KIRREL3: variants seen among roughly 807,000 people sequenced by gnomAD.
KIRREL3 encodes kirre like nephrin family adhesion molecule 3, also known as kin of IRRE-like protein 3.
KIRREL3 carries 36 observed loss-of-function variants against 89.7 expected under a neutral mutation model. That is an observed-to-expected ratio of 0.40 (90% CI 0.31 to 0.53). The LOEUF (loss-of-function observed/expected upper bound fraction) is 0.53, where lower values mean the gene tolerates loss of function less well. KIRREL3 is among the 20% of genes least tolerant of loss of function. KIRREL3 has a pLI of 0.49. For missense variants in KIRREL3, 864 were observed against 1,056.6 expected, an observed-to-expected ratio of 0.82 and a Z score of 2.53; for synonymous variants, 445 against 441.4, an observed-to-expected ratio of 1.01 and a Z score of -0.10.
rs183919703 is a variant in KIRREL3, at chr11:126,709,342, G to T, written c.56-146430C>A. Among the ~76,000 whole-genome samples the T allele has an allele frequency of 5.5e-3, 838 of 152,240 alleles. 9 individuals are homozygous for T. Among genetic ancestry groups the T allele is most frequent in the African/African-American group, 0.018 (768 of 41,534 alleles). ...CCAATCAGTCCTATCTCTTCCCCGGGAGTAGGGGTGGAGGGGCAGCACCCC... is the reference window on the plus strand; with the variant it reads ...CCAATCAGTCCTATCTCTTCCCCGGTAGTAGGGGTGGAGGGGCAGCACCCC... On this transcript the variant is annotated intron_variant, in intron 1 of 16. Coordinates refer to ENST00000525144, the MANE Select transcript of KIRREL3 (RefSeq NM_032531.4). This position sits in a 1 kb window ranked among gnomAD's most constrained non-coding sequence, Gnocchi z 4.0.
At position 126,985,882 on chromosome 11, in the gene KIRREL3, C is replaced by G. The variant is rs1473314671; in HGVS notation, c.55+14573G>C. On this transcript the variant is annotated intron_variant, in intron 1 of 16. Coordinates refer to ENST00000525144, the MANE Select transcript of KIRREL3 (RefSeq NM_032531.4). This position sits in a 1 kb window ranked among gnomAD's most constrained non-coding sequence, Gnocchi z 5.3. ...ATAAGGCATGTGCCTTCATGACCCC[C>G]CTACTGGATGGGAGAGAGTTAAAGC... Among the ~76,000 whole-genome samples, 7 of 152,288 alleles carry G rather than the reference C, an allele frequency of 4.6e-5. No individual in the cohort carries two copies. Among genetic ancestry groups the G allele is most frequent in the Non-Finnish European group, 1.5e-5 (1 of 68,026 alleles).
chr11:126,806,987 C>A (rs972450163), intron 1 of KIRREL3, among the ~76,000 whole-genome samples: 1 of 152,160 alleles, frequency 6.6e-6, no homozygotes, highest in East Asian at 1.9e-4. Flanking sequence ...CCAGTTTCAT[C>A]CATGTCCCTG....
chr11:126,550,899 C>T lies in KIRREL3; in HGVS notation c.133+11936G>A, dbSNP rs1300088119. ...GTCTACCTGGAGATAGTGTCAGATC[C>T]CACAGGCTGGGGGCTCAGTCCCCAA... On this transcript the variant is annotated intron_variant, in intron 2 of 16. Transcript: ENST00000525144. The surrounding 1 kb of genome is among the most constrained non-coding windows in gnomAD (Gnocchi z 4.9). 6.6e-6 allele frequency among the ~76,000 whole-genome samples: 1 copy of T among 152,122 alleles called. No individual in the cohort carries two copies. Among genetic ancestry groups the T allele is most frequent in the Non-Finnish European group, 1.5e-5 (1 of 68,032 alleles).
rs1944215168 is a variant in KIRREL3 at position 126,635,203 on chromosome 11, G to C, written c.56-72291C>G. Among the ~76,000 whole-genome samples, 1 of 152,256 alleles carries C rather than the reference G, an allele frequency of 6.6e-6. No individual in the cohort carries two copies. Among genetic ancestry groups the C allele is most frequent in the African/African-American group, 2.4e-5 (1 of 41,456 alleles). ...CTCCACCTCTAGGCAGGCACAGCAA[G>C]TGTGGGCATTGCTTACTGCAGAGAG... On this transcript the variant is annotated intron_variant, in intron 1 of 16. Coordinates refer to ENST00000525144, the MANE Select transcript of KIRREL3 (RefSeq NM_032531.4). The surrounding 1 kb of genome is among the most constrained non-coding windows in gnomAD (Gnocchi z 4.0).
chr11:126,669,275 G>C lies in KIRREL3; in HGVS notation c.56-106363C>G, dbSNP rs1225387049. Reference sequence around the variant, plus strand: ...AAGGGGTCTCTAGATCTGGGATCCTGGCACTGAGTGAAGTTTTCCTTCAGC... The same window carrying C: ...AAGGGGTCTCTAGATCTGGGATCCTCGCACTGAGTGAAGTTTTCCTTCAGC... On this transcript the variant is annotated intron_variant, in intron 1 of 16. Coordinates refer to ENST00000525144, the MANE Select transcript of KIRREL3 (RefSeq NM_032531.4). The surrounding 1 kb of genome is among the most constrained non-coding windows in gnomAD (Gnocchi z 5.0). 2.0e-5 allele frequency among the ~76,000 whole-genome samples: 3 copies of C among 152,262 alleles called. No individual in the cohort carries two copies. The East Asian group carries it at 5.8e-4, about 29-fold the overall frequency.
intron 1 of KIRREL3, among the ~76,000 whole-genome samples, chr11:126,842,354 A>G (rs1238079077): frequency 1.3e-5 from 2 of 151,872 alleles, no homozygotes; most frequent in Non-Finnish European, 1.5e-5. Flanking sequence ...CATGAAAAAA[A>G]CCTCCCTTCA....
At chr11:126,672,878 A>G (rs1303349928) in intron 1 of KIRREL3, among the ~76,000 whole-genome samples, 1 of 152,224 alleles carries the variant, frequency 6.6e-6, no homozygotes, top group East Asian at 1.9e-4. Flanking sequence ...TCGTATTTGC[A>G]TTAGTGTTTC....
chr11:126,923,826 C>G (rs1434144376), intron 1 of KIRREL3, among the ~76,000 whole-genome samples: 1 of 152,218 alleles, frequency 6.6e-6, no homozygotes, highest in African/African-American at 2.4e-5. Context: ...CTCTACTGAG[C>G]TCCAGCCCTA....
intron 1 of KIRREL3, among the ~76,000 whole-genome samples, chr11:126,792,826 A>G (rs1950688076): frequency 6.6e-6 from 1 of 152,238 alleles, no homozygotes; most frequent in Admixed American, 6.5e-5. Flanking sequence ...GAACTAAACT[A>G]TACTGTTTAG....
intron 9 of KIRREL3, 82 bp downstream of exon 9, chr11:126,446,677 G>C: frequency 7.1e-7 from 1 of 1,417,644 alleles, no homozygotes; most frequent in Non-Finnish European, 9.6e-7. Flanking sequence ...AATAGTGAGA[G>C]GGGCCTGGGC....
chr11:126,509,571 C>T (rs764587870), intron 4 of KIRREL3, among the ~76,000 whole-genome samples: 94 of 152,316 alleles, frequency 6.2e-4, no homozygotes, highest in Middle Eastern at 3.4e-3. Flanking sequence ...GTGACATTCC[C>T]ATGATGGACC....
rs1958113491 is a variant in KIRREL3, at chr11:126,508,938, G to A, written c.433+12377C>T. Among the ~76,000 whole-genome samples, 1 of 152,142 alleles carries A rather than the reference G, an allele frequency of 6.6e-6. No individual in the cohort carries two copies. On this transcript the variant is annotated intron_variant, in intron 4 of 16. Transcript: ENST00000525144. The surrounding 1 kb of genome is among the most constrained non-coding windows in gnomAD (Gnocchi z 4.9). ...TTCTCTCCACTCGAGCAACTCACAAGCTGCCCTTTCTGTGCATAGAAGGTG... is the reference window on the plus strand; with the variant it reads ...TTCTCTCCACTCGAGCAACTCACAAACTGCCCTTTCTGTGCATAGAAGGTG...
rs1329236809 is a variant in KIRREL3, at chr11:126,440,557, GAAAC to G, written c.1253-12_1253-9del. On this transcript the variant is annotated splice_polypyrimidine_tract_variant and intron_variant, in intron 10 of 16. Transcript: ENST00000525144. ...TGGAGATGATGGGGGGTCCTGTTGA[GAAAC>G]AGCGTCCCATTAGGCACCCGGGAAG... 20 of 1,588,134 alleles carry G rather than the reference GAAAC, an allele frequency of 1.3e-5. No individual in the cohort carries two copies. Among genetic ancestry groups the G allele is most frequent in the Non-Finnish European group, 1.7e-5 (20 of 1,167,466 alleles).
In KIRREL3 at chr11:126,755,459, T is replaced by C. The variant is rs7945212; in HGVS notation, c.56-192547A>G. ...CATGGGTGGAAAATCAATACTACTC[T>C]GATGCGAAATGAGAACCGGACTGGA... is the stretch of plus-strand genomic sequence containing the variant. On this transcript the variant is annotated intron_variant, in intron 1 of 16. Coordinates refer to ENST00000525144, the MANE Select transcript of KIRREL3 (RefSeq NM_032531.4). This position sits in a 1 kb window ranked among gnomAD's most constrained non-coding sequence, Gnocchi z 4.3. Among the ~76,000 whole-genome samples the C allele has an allele frequency of 0.015, 2,357 of 152,242 alleles. 83 individuals carry two copies. The highest frequency in any genetic ancestry group is 0.054 in the African/African-American group (2,239 of 41,538).
rs886496714 is a variant in KIRREL3, at chr11:126,905,604, G to C, written c.55+94851C>G. ...CCCGCTTGTGACCCACAAGAGCATT[G>C]CAAGCCTCATCCTGCACAGTGGCTT... On this transcript the variant is annotated intron_variant, in intron 1 of 16. Coordinates refer to ENST00000525144, the MANE Select transcript of KIRREL3 (RefSeq NM_032531.4). The surrounding 1 kb of genome is among the most constrained non-coding windows in gnomAD (Gnocchi z 5.0). 1.3e-5 allele frequency among the ~76,000 whole-genome samples: 2 copies of C among 152,128 alleles called. No individual in the cohort carries two copies. The highest frequency in any genetic ancestry group is 4.8e-5 in the African/African-American group (2 of 41,438).
chr11:126,599,470 G>T (rs1430324798), intron 1 of KIRREL3, among the ~76,000 whole-genome samples: 2 of 152,110 alleles, frequency 1.3e-5, no homozygotes, highest in African/African-American at 4.8e-5. Context: ...TACTCCTCTA[G>T]CTCCCCTGTG....
chr11:126,517,123 A>AGAGAGAGG (rs1299458197), intron 4 of KIRREL3, among the ~76,000 whole-genome samples: 4 of 135,084 alleles, frequency 3.0e-5, no homozygotes, highest in African/African-American at 1.2e-4. Context: ...AGAGATTGAG[A>AGAGAGAGG]GAGAGAGAGA....
In KIRREL3 at chr11:126,964,304, G is replaced by A. The variant is rs367784742; in HGVS notation, c.55+36151C>T. Among the ~76,000 whole-genome samples the A allele has an allele frequency of 2.0e-4, 31 of 152,264 alleles. 1 individual carries two copies. Among genetic ancestry groups the A allele is most frequent in the African/African-American group, 7.5e-4 (31 of 41,542 alleles). ...ATGAAGAGTGTTATTGATTAGCATG[G>A]TCAGATTGGTGTCCACTGTCTGACA... On this transcript the variant is annotated intron_variant, in intron 1 of 16. Coordinates refer to ENST00000525144, the MANE Select transcript of KIRREL3 (RefSeq NM_032531.4).
intron 1 of KIRREL3, among the ~76,000 whole-genome samples, chr11:126,845,991 C>T (rs560534947): frequency 1.3e-5 from 2 of 152,216 alleles, no homozygotes; most frequent in South Asian, 2.1e-4. Flanking sequence ...CCTCATGGAA[C>T]CTCAGGAATT....
Sources: allele counts gnomAD v4.1 joint callset (sites outside exome capture counted in the v4.1 genomes callset), GRCh38; gene constraint gnomAD v4.1.1; non-coding constraint Gnocchi (gnomAD v3.1); transcripts MANE v1.5; gene names NCBI Gene and HGNC (gene_info 2026-07-23, HGNC 2026-07-21).